The following BPTF variants were observed in gnomAD, a reference collection of about 807,000 sequenced individuals.
BPTF encodes the protein nucleosome-remodeling factor subunit BPTF.
In BPTF, 18 loss-of-function variants were observed where a neutral mutation model predicts 292.5. The observed-to-expected ratio is 0.06, with a 90% CI of 0.04 to 0.09. BPTF has a LOEUF of 0.09. Among genes scored for constraint, BPTF ranks in the 10% least tolerant of loss-of-function variants. The pLI is 1.00. For missense variants in BPTF, 2,726 were observed against 3,498.7 expected (o/e 0.78, Z 5.57); for synonymous variants, 1,225 against 1,251.9 (o/e 0.98, Z 0.45).
At chr17:67,868,736 G>T (rs1409447452) in intron 3 of BPTF, among the ~76,000 whole-genome samples, 1 of 152,118 alleles carries the variant, frequency 6.6e-6, no homozygotes, top group Admixed American at 6.6e-5. Flanking sequence ...AAAATAGAAT[G>T]TTTATATTTA....
At chr17:67,828,406 C>T (rs1036851699) in intron 1 of BPTF, among the ~76,000 whole-genome samples, 6 of 152,258 alleles carry the variant, frequency 3.9e-5, no homozygotes, top group African/African-American at 1.4e-4. Flanking sequence ...ACTTTAAGTC[C>T]TATTCGAAGG....
intron 24 of BPTF, among the ~76,000 whole-genome samples, chr17:67,961,888 C>T (rs113920001): frequency 5.3e-5 from 8 of 151,986 alleles, no homozygotes; most frequent in South Asian, 4.2e-4. Context: ...TCAGGAGAAT[C>T]GCTTGAACCC....
At chr17:67,972,799 TAGTC>T (rs1455262422) in intron 26 of BPTF, among the ~76,000 whole-genome samples, 2 of 151,652 alleles carry the variant, frequency 1.3e-5, no homozygotes, top group Non-Finnish European at 2.9e-5. Flanking sequence ...AAATGAAAAT[TAGTC>T]AAGCAGTAAG....
At chr17:67,906,802 C>T (rs1052070446) in intron 9 of BPTF, among the ~76,000 whole-genome samples, 17 of 152,270 alleles carry the variant, frequency 1.1e-4, no homozygotes, top group Middle Eastern at 3.4e-3. Context: ...TTCAGCCAGA[C>T]CTTTCTGGAA....
intron 11 of BPTF, 66 bp from the exon 12 acceptor site, chr17:67,918,648 A>T: frequency 1.4e-6 from 2 of 1,454,110 alleles, no homozygotes; most frequent in Non-Finnish European, 1.9e-6. Flanking sequence ...AGTAGAGTGA[A>T]TATGAATGTG....
intron 3 of BPTF, among the ~76,000 whole-genome samples, chr17:67,871,441 C>CA (rs751011017): frequency 0.35 from 27,965 of 79,666 alleles, 4,666 homozygotes; most frequent in East Asian, 0.68. Flanking sequence ...ACTTTGTCTC[C>CA]AAAAAAAAAA....
chr17:67,849,857 C>T (rs1465945751), intron 1 of BPTF, among the ~76,000 whole-genome samples: 3 of 152,122 alleles, frequency 2.0e-5, no homozygotes, highest in African/African-American at 4.8e-5. Flanking sequence ...AGGAGAATCA[C>T]TTGAACCTAG....
At chr17:67,832,981 T>G (rs1418041894) in intron 1 of BPTF, among the ~76,000 whole-genome samples, 1 of 149,792 alleles carries the variant, frequency 6.7e-6, no homozygotes, top group East Asian at 2.0e-4. Flanking sequence ...TTTTTTTTAG[T>G]AGAGACAGGG....
chr17:67,871,037 C>T (rs924305560), intron 3 of BPTF, among the ~76,000 whole-genome samples: 2 of 151,966 alleles, frequency 1.3e-5, no homozygotes, highest in African/African-American at 4.8e-5. Flanking sequence ...TCCCAAAGTG[C>T]TGGGATTACA....
chr17:67,954,789 T>C (rs1227632078), intron 23 of BPTF, among the ~76,000 whole-genome samples: 2 of 152,240 alleles, frequency 1.3e-5, no homozygotes, highest in Non-Finnish European at 2.9e-5. Context: ...CATGATGTTA[T>C]AAACATATGA....
rs1555697682 is a variant in BPTF, at chr17:67,983,190, T to C, written c.*902T>C. 6.6e-6 allele frequency: 1 copy of C among 152,650 alleles called. No individual in the cohort carries two copies. The highest frequency in any genetic ancestry group is 1.5e-5 in the Non-Finnish European group (1 of 68,040). 9.5% of individuals were successfully genotyped at this position (152,650 alleles called of 1,614,324 possible). A position where few individuals can be genotyped will look rare whatever the true frequency, so the allele number is the denominator to read the frequency against. On this transcript the variant is annotated 3_prime_UTR_variant, in exon 28 of 28. Transcript: ENST00000306378. ...CTTTGAATGTGCGCTAATGATTATC[T>C]GTAAGCCTTTGTGGGGAGGGAGGCC...
At chr17:67,925,193 T>C (rs907800668) in intron 15 of BPTF, among the ~76,000 whole-genome samples, 34 of 152,252 alleles carry the variant, frequency 2.2e-4, no homozygotes, top group African/African-American at 8.2e-4. Flanking sequence ...ATTTCTATTA[T>C]TTATTATCTT....
chr17:67,906,448 A>G lies in BPTF; in HGVS notation c.2812+1608A>G, dbSNP rs1489057253. The stretch of plus-strand genomic sequence containing the variant: ...TTAGTATTTAGAATCACCGAACTCT[A>G]TAGAGATGAACTGCTCTTTTAAAAG... On this transcript the variant is annotated intron_variant, in intron 9 of 27. Transcript: ENST00000306378. Among the ~76,000 whole-genome samples the G allele has an allele frequency of 5.9e-5, 9 of 152,216 alleles. No homozygotes were observed. In the South Asian group the frequency reaches 1.9e-3, roughly 31 times the overall value.
At chr17:67,932,741 T>A (rs1778003926) in intron 18 of BPTF, among the ~76,000 whole-genome samples, 1 of 151,822 alleles carries the variant, frequency 6.6e-6, no homozygotes, top group South Asian at 2.1e-4. Flanking sequence ...GATTTTTTTT[T>A]AAACCCTATA....
chr17:67,843,094 A>G (rs8073510), intron 1 of BPTF, among the ~76,000 whole-genome samples: 30,588 of 150,426 alleles, frequency 0.2, 3,911 homozygotes, highest in East Asian at 0.66. Flanking sequence ...GTAGATACAT[A>G]TATCTATATA....
At chr17:67,908,491 C>CTTTT (rs34537462) in intron 9 of BPTF, among the ~76,000 whole-genome samples, 1 of 97,580 alleles carries the variant, frequency 1.0e-5, no homozygotes. Flanking sequence ...TCACTGACCA[C>CTTTT]TTTTTTTTTT....
At chr17:67,953,525 T>G (rs1451705071) in intron 23 of BPTF, among the ~76,000 whole-genome samples, 2 of 151,484 alleles carry the variant, frequency 1.3e-5, no homozygotes, top group African/African-American at 4.9e-5. Context: ...CCCAAAGTGC[T>G]AGGATTACAG....
At chr17:67,980,171 C>T (rs1372425339) in intron 27 of BPTF, among the ~76,000 whole-genome samples, 1 of 152,134 alleles carries the variant, frequency 6.6e-6, no homozygotes, top group Non-Finnish European at 1.5e-5. Context: ...ATGGTAAAAC[C>T]TCGTCTCTAC....
intron 9 of BPTF, among the ~76,000 whole-genome samples, chr17:67,908,798 A>G (rs2062424723): frequency 8.3e-6 from 1 of 120,372 alleles, no homozygotes; most frequent in Middle Eastern, 5.7e-3. Flanking sequence ...TCCAAATTTT[A>G]TCACTCTTGT....
Sources: gnomAD v4.1 joint callset for allele counts (sites outside exome capture counted in the v4.1 genomes callset) on GRCh38, gnomAD v4.1.1 for gene constraint, MANE v1.5 for transcripts, NCBI Gene and HGNC (gene_info 2026-07-23, HGNC 2026-07-21) for gene names.